Variants in IL33 observed in about 807,000 individuals in gnomAD.
IL33 encodes the protein interleukin 33.
In IL33, 37 loss-of-function variants were observed where a neutral mutation model predicts 27.3. The observed-to-expected ratio is 1.36, with a 90% CI of 1.04 to 1.78. The LOEUF (loss-of-function observed/expected upper bound fraction) is 1.78, where lower values mean the gene tolerates loss of function less well. IL33 is among the 40% of genes most tolerant of loss of function. The pLI is 0.00. For missense variants in IL33, 406 were observed against 311.4 expected, an observed-to-expected ratio of 1.30 and a Z score of -2.29; for synonymous variants, 132 against 102.9, an observed-to-expected ratio of 1.28 and a Z score of -1.71.
intron 1 of IL33, among the ~76,000 whole-genome samples, chr9:6,220,623 T>C (rs1252579139): frequency 6.6e-6 from 1 of 152,190 alleles, no homozygotes; most frequent in Non-Finnish European, 1.5e-5. Context: ...AAGTTTTTCC[T>C]CCCTAAATTT....
chr9:6,231,526 C>T (rs937744372), intron 1 of IL33, among the ~76,000 whole-genome samples: 1 of 152,192 alleles, frequency 6.6e-6, no homozygotes, highest in African/African-American at 2.4e-5. Context: ...TACCTTAGTA[C>T]CATTCTACTT....
At chr9:6,239,039 T>G (rs992293225) in intron 1 of IL33, among the ~76,000 whole-genome samples, 4 of 152,124 alleles carry the variant, frequency 2.6e-5, no homozygotes, top group Admixed American at 6.5e-5. Flanking sequence ...TTTGTCTGAT[T>G]CTGAGAGAGA....
intron 1 of IL33, among the ~76,000 whole-genome samples, chr9:6,225,201 T>C (rs1386670457): frequency 2.6e-5 from 4 of 152,188 alleles, no homozygotes; most frequent in African/African-American, 7.2e-5. Flanking sequence ...AGCAGTTTCA[T>C]TGGTTCCTGG....
At chr9:6,225,054 G>A (rs1818569748) in intron 1 of IL33, among the ~76,000 whole-genome samples, 1 of 152,138 alleles carries the variant, frequency 6.6e-6, no homozygotes, top group Admixed American at 6.5e-5. Flanking sequence ...TCTACAGAAT[G>A]CTGTGCCAGA....
chr9:6,222,149 T>C (rs10815376), intron 1 of IL33, among the ~76,000 whole-genome samples: 99,172 of 152,122 alleles, frequency 0.65, 33,501 homozygotes, highest in East Asian at 1. Context: ...AGGGTGCAGA[T>C]TGTGGCTTAT....
intron 1 of IL33, among the ~76,000 whole-genome samples, chr9:6,238,630 C>A (rs1307294734): frequency 6.6e-6 from 1 of 152,090 alleles, no homozygotes; most frequent in Non-Finnish European, 1.5e-5. Flanking sequence ...CTTTTAACTG[C>A]TAGAAGAGAT....
chr9:6,251,744 T>TA (rs869033837), intron 4 of IL33, among the ~76,000 whole-genome samples: 66 of 147,134 alleles, frequency 4.5e-4, no homozygotes, highest in East Asian at 7.9e-4. Flanking sequence ...AGATCATCAT[T>TA]AAAAAAAAAA....
At position 6,253,602 on chromosome 9, in the gene IL33, G is replaced by C. The variant is rs776800932; in HGVS notation, c.520G>C (p.Gly174Arg). The C allele has an allele frequency of 1.9e-6, 3 of 1,606,026 alleles. No homozygotes were observed. The highest frequency in any genetic ancestry group is 2.6e-6 in the Non-Finnish European group (3 of 1,174,198). Reference protein sequence around the residue: ...YESQHPSNESGDGVDGKMLMV... With the variant: ...YESQHPSNESRDGVDGKMLMV... The stretch of plus-strand genomic sequence containing the variant: ...GTCTCAACACCCCTCAAATGAATCA[G>C]GTAATTTGGAGGGCTGGGTAGCTGT... Residue 174 changes from glycine (G) to arginine (R), a missense_variant and splice_region_variant, in exon 6 of 8, where the codon GGT becomes CGT. By Grantham distance (125) the Gly-to-Arg change is moderately radical. Transcript: ENST00000682010.
chr9:6,229,489 A>T (rs1435898114), intron 1 of IL33, among the ~76,000 whole-genome samples: 1 of 152,222 alleles, frequency 6.6e-6, no homozygotes, highest in South Asian at 2.1e-4. Flanking sequence ...AAGAACAAGA[A>T]GACGTGCGTT....
At chr9:6,230,378 G>A (rs1182546770) in intron 1 of IL33, among the ~76,000 whole-genome samples, 1 of 152,156 alleles carries the variant, frequency 6.6e-6, no homozygotes, top group African/African-American at 2.4e-5. Context: ...CTTTCAGAGT[G>A]GTGGAGGGTA....
In IL33 at chr9:6,256,141, T is replaced by C; in HGVS notation, c.786T>C (p.Asn262=). ...VDSSENLCTE[N]ILFKLSET is the part of the protein sequence containing the mutation. ...CTTCTGAGAATTTGTGTACTGAAAA[T>C]ATCTTGTTTAAGCTCTCTGAAACTT... The change falls in exon 8 of 8, where the codon AAT becomes AAC. Residue 262 remains asparagine (N), a synonymous_variant. Transcript: ENST00000682010. The C allele has an allele frequency of 6.2e-7, 1 of 1,613,372 alleles. No individual in the cohort carries two copies. Among genetic ancestry groups the C allele is most frequent in the Non-Finnish European group, 8.5e-7 (1 of 1,179,522 alleles).
At chr9:6,217,280 C>T (rs1202306177) in intron 1 of IL33, among the ~76,000 whole-genome samples, 1 of 152,152 alleles carries the variant, frequency 6.6e-6, no homozygotes, top group African/African-American at 2.4e-5. Context: ...CCTCCAGAAT[C>T]ATGGCTAGTA....
intron 1 of IL33, among the ~76,000 whole-genome samples, chr9:6,231,799 G>C (rs913854755): frequency 3.3e-5 from 5 of 152,118 alleles, no homozygotes; most frequent in African/African-American, 1.2e-4. Flanking sequence ...ATCTCGAGGA[G>C]GTTAGGATTT....
At chr9:6,218,596 A>G (rs1478125273) in intron 1 of IL33, among the ~76,000 whole-genome samples, 3 of 133,940 alleles carry the variant, frequency 2.2e-5, no homozygotes, top group Non-Finnish European at 5.2e-5. Context: ...ATATATATGC[A>G]TATATATATA....
At chr9:6,221,366 T>G (rs1818404603) in intron 1 of IL33, among the ~76,000 whole-genome samples, 1 of 152,182 alleles carries the variant, frequency 6.6e-6, no homozygotes, top group Non-Finnish European at 1.5e-5. Context: ...AAAAAATGTT[T>G]GGAGGATACC....
Position 6,250,455 on chromosome 9 carries a change from A to G in IL33, c.92-19A>G. On this transcript the variant is annotated intron_variant, in intron 2 of 7. Coordinates refer to ENST00000682010, the MANE Select transcript of IL33 (RefSeq NM_033439.4). The stretch of plus-strand genomic sequence containing the variant: ...GATGAATGGAATGAAACAGTCTCAC[A>G]AGTTTTTCAATTGTTTAGAATCCCA... The G allele has an allele frequency of 6.2e-7, 1 of 1,610,128 alleles. No homozygotes were observed. Among genetic ancestry groups the G allele is most frequent in the African/African-American group, 1.3e-5 (1 of 74,780 alleles).
intron 1 of IL33, among the ~76,000 whole-genome samples, chr9:6,230,096 G>A (rs541853826): frequency 6.6e-6 from 1 of 152,296 alleles, no homozygotes; most frequent in East Asian, 1.9e-4. Context: ...TGGAAAAGTT[G>A]ATGGGGCAGG....
At chr9:6,224,792 C>A (rs1057501185) in intron 1 of IL33, among the ~76,000 whole-genome samples, 1 of 152,114 alleles carries the variant, frequency 6.6e-6, no homozygotes, top group Non-Finnish European at 1.5e-5. Context: ...CATTACCTAC[C>A]CTTGCAAACT....
chr9:6,255,633 A>G (rs576631784), intron 7 of IL33, among the ~76,000 whole-genome samples: 2 of 152,252 alleles, frequency 1.3e-5, no homozygotes, highest in East Asian at 3.9e-4. Flanking sequence ...ACTAAAAAAA[A>G]TGAGGCTTGA....
Sources: gnomAD v4.1 joint callset for allele counts (sites outside exome capture counted in the v4.1 genomes callset) on GRCh38, gnomAD v4.1.1 for gene constraint, MANE v1.5 for transcripts, NCBI Gene and HGNC (gene_info 2026-07-23, HGNC 2026-07-21) for gene names.